Variants in FUBP3 observed in about 807,000 individuals in gnomAD.
The protein encoded by FUBP3 is far upstream element binding protein 3.
A neutral mutation model predicts 85.6 loss-of-function variants in FUBP3; 28 were observed. The ratio of observed to expected loss-of-function variants is 0.33; its 90% confidence interval spans 0.24 to 0.45. FUBP3 has a LOEUF of 0.45. FUBP3 is among the 20% of genes least tolerant of loss of function. The pLI, the probability that FUBP3 is intolerant of heterozygous loss-of-function variation, is 1.00. For missense variants in FUBP3, 583 were observed against 755.1 expected, an observed-to-expected ratio of 0.77 and a Z score of 2.67; for synonymous variants, 271 against 271.4, an observed-to-expected ratio of 1.00 and a Z score of 0.01.
rs1418839743 is a variant in FUBP3 at position 130,616,843 on chromosome 9, AGTCAGAGG to A, written c.567+327_567+334del. ...TCTCAGATAAAAGTGCAGTATTTGG[AGTCAGAGG>A]CTCTGACCCAGCATTCTTCCTCACT... On this transcript the variant is annotated intron_variant, in intron 7 of 18. Coordinates refer to ENST00000319725, the MANE Select transcript of FUBP3 (RefSeq NM_003934.2). The surrounding 1 kb of genome is among the most constrained non-coding windows in gnomAD (Gnocchi z 4.7). Among the ~76,000 whole-genome samples the A allele has an allele frequency of 1.3e-5, 2 of 152,254 alleles. No individual in the cohort carries two copies. The highest frequency in any genetic ancestry group is 2.9e-5 in the Non-Finnish European group (2 of 68,050).
intron 7 of FUBP3, 31 bp from the exon 8 acceptor site, chr9:130,617,766 A>G (rs1001550781): frequency 2.6e-5 from 34 of 1,293,022 alleles, no homozygotes; most frequent in Non-Finnish European, 3.7e-5. Context: ...TGCATTATTC[A>G]TGAGGCTGTG....
chr9:130,610,099 G>A, intron 3 of FUBP3, 112 bp downstream of exon 3: 1 of 874,896 alleles, frequency 1.1e-6, no homozygotes, highest in South Asian at 1.4e-5. Context: ...AAAAAGCATG[G>A]GTTAGGCTTC....
chr9:130,589,833 C>T (rs1830539011), intron 1 of FUBP3, among the ~76,000 whole-genome samples: 1 of 149,002 alleles, frequency 6.7e-6, no homozygotes, highest in African/African-American at 2.5e-5. Context: ...GCCTCAGCCT[C>T]CCAAGAAGCT....
intron 17 of FUBP3, among the ~76,000 whole-genome samples, chr9:130,634,996 A>G (rs1429528678): frequency 6.6e-6 from 1 of 152,064 alleles, no homozygotes; most frequent in Admixed American, 6.5e-5. Flanking sequence ...CTGGGCTCCA[A>G]AGGACTTGAG....
intron 9 of FUBP3, among the ~76,000 whole-genome samples, chr9:130,622,260 G>A (rs1379771871): frequency 6.6e-6 from 1 of 150,776 alleles, no homozygotes; most frequent in Non-Finnish European, 1.5e-5. Flanking sequence ...CAGGGGTGGA[G>A]GTTGCAGTGA....
chr9:130,601,320 C>T (rs984481958), intron 2 of FUBP3, among the ~76,000 whole-genome samples: 6 of 152,240 alleles, frequency 3.9e-5, no homozygotes, highest in African/African-American at 1.4e-4. Context: ...AGCTGATGGA[C>T]AGACAGAGAA....
chr9:130,603,272 G>A (rs376981023), intron 2 of FUBP3, among the ~76,000 whole-genome samples: 106 of 150,950 alleles, frequency 7.0e-4, no homozygotes, highest in African/African-American at 9.0e-4. Context: ...GCCTGAACCC[G>A]GGAGGCAGAG....
chr9:130,580,189 C>T (rs948066313), intron 1 of FUBP3, among the ~76,000 whole-genome samples: 2 of 152,182 alleles, frequency 1.3e-5, no homozygotes, highest in African/African-American at 2.4e-5. Flanking sequence ...CGTCTTTAGA[C>T]TTTCTGTTGA....
At chr9:130,627,707 C>T (rs1830035790) in intron 12 of FUBP3, among the ~76,000 whole-genome samples, 1 of 152,240 alleles carries the variant, frequency 6.6e-6, no homozygotes, top group Admixed American at 6.5e-5. Context: ...TCCCACACTA[C>T]CCAGGCCGTC....
Sources: gnomAD v4.1 joint callset for allele counts (sites outside exome capture counted in the v4.1 genomes callset) on GRCh38, gnomAD v4.1.1 for gene constraint, Gnocchi (gnomAD v3.1) non-coding constraint, MANE v1.5 for transcripts, NCBI Gene and HGNC (gene_info 2026-07-23, HGNC 2026-07-21) for gene names.